IL1R1: variants seen among roughly 807,000 people sequenced by gnomAD.
IL1R1 encodes interleukin 1 receptor type 1, also known as interleukin-1 receptor type 1.
A neutral mutation model predicts 50.2 loss-of-function variants in IL1R1; 22 were observed. The ratio of observed to expected loss-of-function variants is 0.44; its 90% CI spans 0.31 to 0.63. The LOEUF (loss-of-function observed/expected upper bound fraction) is 0.63. Ranked by LOEUF, IL1R1 falls within the 20% of genes least tolerant of loss-of-function variation. The pLI, the probability that IL1R1 is intolerant of heterozygous loss-of-function variation, is 0.07. For missense variants in IL1R1, 509 were observed against 676.2 expected (o/e 0.75, Z 2.74); for synonymous variants, 251 against 236.7 (o/e 1.06, Z -0.55).
intron 7 of IL1R1, among the ~76,000 whole-genome samples, 160 bp from the exon 8 acceptor site, chr2:102,171,641 G>T (rs1685682507): frequency 6.6e-6 from 1 of 152,050 alleles, no homozygotes; most frequent in Non-Finnish European, 1.5e-5. Flanking sequence ...AGACGCATAA[G>T]GTTACTAATG....
At chr2:102,100,343 G>A (rs1412452716), upstream of IL1R1, among the ~76,000 whole-genome samples, 1 of 152,120 alleles carries the variant, frequency 6.6e-6, no homozygotes, top group African/African-American at 2.4e-5. Context: ...GGGAGGAGAG[G>A]TCAGCTCCAC....
rs184196998 is a variant in IL1R1 at position 102,107,921 on chromosome 2, G to A, written c.-84+3049G>A. Reference sequence around the variant, plus strand: ...GATGCTTTTGCTCTGAATTTTTACCGATTGAGTAACCTGGGGTAAACCTCA... The same window carrying A: ...GATGCTTTTGCTCTGAATTTTTACCAATTGAGTAACCTGGGGTAAACCTCA... On this transcript the variant is annotated intron_variant, in intron 1 of 10. Transcript: ENST00000409329. Among the ~76,000 whole-genome samples the A allele has an allele frequency of 5.9e-5, 9 of 152,242 alleles. No homozygotes were observed. In the South Asian group the frequency reaches 6.2e-4, roughly 11 times the overall value.
intron 1 of IL1R1, among the ~76,000 whole-genome samples, chr2:102,072,250 A>G (rs1368516071): frequency 6.7e-6 from 1 of 148,196 alleles, no homozygotes; most frequent in Non-Finnish European, 1.5e-5. Context: ...ACAGAGCAAG[A>G]CTCTGTGTCA....
chr2:102,084,336 G>A (rs1679346930), intron 1 of IL1R1, among the ~76,000 whole-genome samples: 1 of 152,168 alleles, frequency 6.6e-6, no homozygotes, highest in South Asian at 2.1e-4. Context: ...TGGCCTGGTG[G>A]TCTGGTTTGA....
intron 1 of IL1R1, among the ~76,000 whole-genome samples, chr2:102,134,575 T>G (rs1312775427): frequency 6.6e-6 from 1 of 151,992 alleles, no homozygotes; most frequent in East Asian, 1.9e-4. Flanking sequence ...ACGGGTTTTC[T>G]CCATGTTGGT....
At position 102,176,777 on chromosome 2, in the gene IL1R1, G is replaced by A; in HGVS notation, c.*18G>A. On this transcript the variant is annotated 3_prime_UTR_variant, in exon 12 of 12. Coordinates refer to ENST00000410023, the MANE Select transcript of IL1R1 (RefSeq NM_000877.4). ...TCGGGTAGCATGGAGAAGTTGCCAA[G>A]AGTTCTTTAGGTGCCTCCTGTCTTA... 6.2e-7 allele frequency: 1 copy of A among 1,609,798 alleles called. No individual in the cohort carries two copies. The highest frequency in any genetic ancestry group is 8.5e-7 in the Non-Finnish European group (1 of 1,177,016).
chr2:102,080,053 T>G (rs1319713449), intron 1 of IL1R1, among the ~76,000 whole-genome samples: 2 of 152,098 alleles, frequency 1.3e-5, no homozygotes, highest in African/African-American at 4.8e-5. Context: ...AAAATTTGCA[T>G]CTCTATCTCA....
At chr2:102,082,267 C>G (rs1362587951) in intron 1 of IL1R1, among the ~76,000 whole-genome samples, 1 of 145,256 alleles carries the variant, frequency 6.9e-6, no homozygotes, top group Non-Finnish European at 1.5e-5. Flanking sequence ...AAGGATAAAT[C>G]TAATCCTTTA....
chr2:102,175,232 A>G (rs1258889291), intron 10 of IL1R1, among the ~76,000 whole-genome samples: 1 of 152,206 alleles, frequency 6.6e-6, no homozygotes, highest in Non-Finnish European at 1.5e-5. Flanking sequence ...GGATGGCTCT[A>G]TACTAAGAGT....
intron 1 of IL1R1, among the ~76,000 whole-genome samples, chr2:102,077,093 G>C (rs1203304138): frequency 6.6e-6 from 1 of 150,910 alleles, no homozygotes; most frequent in African/African-American, 2.4e-5. Context: ...TTTTTTGAGA[G>C]AGAGTCTTGC....
intron 1 of IL1R1, among the ~76,000 whole-genome samples, chr2:102,146,874 C>G (rs979348365): frequency 1.3e-5 from 2 of 152,180 alleles, no homozygotes; most frequent in South Asian, 4.1e-4. Context: ...ATCCTGATCA[C>G]CCAGGGTCCC....
chr2:102,094,069 G>C (rs981282625), intron 1 of IL1R1, among the ~76,000 whole-genome samples: 1 of 152,184 alleles, frequency 6.6e-6, no homozygotes, highest in Non-Finnish European at 1.5e-5. Context: ...ATAGGAAGTG[G>C]AATAGAAGTG....
chr2:102,146,707 G>A (rs1396860219), intron 1 of IL1R1, among the ~76,000 whole-genome samples: 2 of 152,208 alleles, frequency 1.3e-5, no homozygotes, highest in East Asian at 1.9e-4. Context: ...GAATGTAGAA[G>A]GGAGTTGGGG....
chr2:102,176,925 A>G lies in IL1R1; in HGVS notation c.*166A>G, dbSNP rs1281799190. 3 of 682,318 alleles carry G rather than the reference A, an allele frequency of 4.4e-6. No homozygotes were observed. Among genetic ancestry groups the G allele is most frequent in the African/African-American group, 1.8e-5 (1 of 55,348 alleles). 42.3% of individuals were successfully genotyped at this position (682,318 alleles called of 1,614,324 possible). On this transcript the variant is annotated 3_prime_UTR_variant, in exon 12 of 12. Transcript: ENST00000410023. ...ATTAAGGGAATAAGCCATGACGTCA[A>G]TAGCAGCCCAGGGCACTTCAGAGTA... is the stretch of plus-strand genomic sequence containing the variant.
rs1322999003 is a variant in IL1R1, at chr2:102,178,583, C to G, written c.*1824C>G. ...CTTGATTTCAGGTCAATAACGGTCC[C>G]CCCTCACTCCACACTGGCACGTTTG... On this transcript the variant is annotated 3_prime_UTR_variant, in exon 12 of 12. Coordinates refer to ENST00000410023, the MANE Select transcript of IL1R1 (RefSeq NM_000877.4). 1 of 152,166 alleles carries G rather than the reference C, an allele frequency of 6.6e-6. No homozygotes were observed. The highest frequency in any genetic ancestry group is 1.5e-5 in the Non-Finnish European group (1 of 68,010). 9.4% of individuals were successfully genotyped at this position (152,166 alleles called of 1,614,324 possible). A position where few individuals can be genotyped will look rare whatever the true frequency, so the allele number is the denominator to read the frequency against.
Position 102,172,714 on chromosome 2 carries a change from G to A in IL1R1, c.867G>A (p.Arg289=), listed in dbSNP as rs1311918870. The A allele has an allele frequency of 1.9e-6, 3 of 1,609,784 alleles. No individual in the cohort carries two copies. The highest frequency in any genetic ancestry group is 2.7e-5 in the African/African-American group (2 of 74,730). Residue 289 remains arginine, a synonymous_variant, in exon 9 of 12, where the codon AGG becomes AGA. Coordinates refer to ENST00000410023, the MANE Select transcript of IL1R1 (RefSeq NM_000877.4). ...YSVENPANKR[R]STLITVLNIS... ...TGGAAAATCCTGCAAACAAAAGAAG[G>A]AGTACCCTCATCACAGTGCTTAATA...
chr2:102,090,714 T>C (rs1679629130), intron 1 of IL1R1, among the ~76,000 whole-genome samples: 1 of 152,220 alleles, frequency 6.6e-6, no homozygotes, highest in South Asian at 2.1e-4. Context: ...TAGTTCATGT[T>C]TTTCTGCATC....
intron 11 of IL1R1, chr2:102,175,961 T>C (rs1578050515): frequency 2.1e-6 from 1 of 486,510 alleles, no homozygotes; most frequent in East Asian, 3.4e-5. Flanking sequence ...GTTTTTAAAA[T>C]TCCAACAAAG....
At chr2:102,109,820 A>G (rs1680643008) in intron 1 of IL1R1, among the ~76,000 whole-genome samples, 1 of 152,046 alleles carries the variant, frequency 6.6e-6, no homozygotes, top group Non-Finnish European at 1.5e-5. Flanking sequence ...GCACCAAGGA[A>G]CTCCAGCGAA....
Sources: gnomAD v4.1 joint callset for allele counts (sites outside exome capture counted in the v4.1 genomes callset) on GRCh38, gnomAD v4.1.1 for gene constraint, MANE v1.5 for transcripts, NCBI Gene and HGNC (gene_info 2026-07-23, HGNC 2026-07-21) for gene names.